The following SDK1 variants were observed in gnomAD, a reference collection of about 807,000 sequenced individuals.
The protein encoded by SDK1 is protein sidekick-1.
Under a neutral mutation model 245.5 loss-of-function variants are expected in SDK1, and 157 were observed. The ratio of observed to expected loss-of-function variants is 0.64; its 90% CI spans 0.56 to 0.73. The LOEUF (loss-of-function observed/expected upper bound fraction) is 0.73. SDK1 is among the 30% of genes least tolerant of loss of function. SDK1 has a pLI of 0.00. For missense variants in SDK1, 3,583 were observed against 3,002.3 expected, an observed-to-expected ratio of 1.19 and a Z score of -4.52; for synonymous variants, 1,647 against 1,278.5, an observed-to-expected ratio of 1.29 and a Z score of -6.15.
chr7:3,987,214 C>T lies in SDK1; in HGVS notation c.2023C>T (p.Leu675=), dbSNP rs1325186923. The T allele has an allele frequency of 6.2e-7, 1 of 1,614,196 alleles. No individual in the cohort carries two copies. Among genetic ancestry groups the T allele is most frequent in the Non-Finnish European group, 8.5e-7 (1 of 1,180,024 alleles). ...ACTGCCTCATTCACCTCAGAACCTC[C>T]TGGTCAGCCCTAATTCTTCCCACAG... ...IELPHSPQNL[L]VSPNSSHSHA... is the part of the protein sequence containing the mutation. The change falls in exon 14 of 45, where the codon CTG becomes TTG. Residue 675 remains leucine (L), a synonymous_variant. Transcript: ENST00000404826.
intron 19 of SDK1, 30 bp from the exon 20 acceptor site, chr7:4,067,808 T>G (rs1199771240): frequency 1.3e-6 from 2 of 1,566,410 alleles, no homozygotes; most frequent in Non-Finnish European, 1.8e-6. Context: ...GGCTATTGTG[T>G]TAACAGATGA....
chr7:3,677,255 C>G (rs954262492), intron 4 of SDK1, among the ~76,000 whole-genome samples: 1 of 151,822 alleles, frequency 6.6e-6, no homozygotes, highest in Admixed American at 6.6e-5. Context: ...ATTTAACATA[C>G]GATAAGCATC....
intron 21 of SDK1, among the ~76,000 whole-genome samples, chr7:4,079,046 G>C (rs951743114): frequency 6.6e-6 from 1 of 152,170 alleles, no homozygotes; most frequent in Non-Finnish European, 1.5e-5. Context: ...CCATCCCTCC[G>C]AGGCCGCGGT....
intron 14 of SDK1, among the ~76,000 whole-genome samples, chr7:3,999,501 G>T (rs989350108): frequency 1.3e-5 from 2 of 152,216 alleles, no homozygotes; most frequent in Admixed American, 6.5e-5. Context: ...TGGGCATGGA[G>T]GCCCTTGGAG....
rs541445154 is a variant in SDK1, at chr7:3,452,101, G to A, written c.298+150217G>A. ...TATAAATTCTTTAAGGATTTCAAGG[G>A]TAAGCCGACTCACATGATTAAAGTA... On this transcript the variant is annotated intron_variant, in intron 1 of 44. Coordinates refer to ENST00000404826, the MANE Select transcript of SDK1 (RefSeq NM_152744.4). Among the ~76,000 whole-genome samples, 4 of 152,280 alleles carry A rather than the reference G, an allele frequency of 2.6e-5. No individual in the cohort carries two copies. The East Asian group carries it at 7.7e-4, about 29-fold the overall frequency.
intron 22 of SDK1, among the ~76,000 whole-genome samples, chr7:4,092,632 A>C (rs1330350659): frequency 2.0e-5 from 3 of 152,178 alleles, no homozygotes; most frequent in Non-Finnish European, 4.4e-5. Context: ...GCCCTGGGCT[A>C]GAATTTGGGG....
chr7:3,455,959 A>C (rs771426267), intron 1 of SDK1, among the ~76,000 whole-genome samples: 2 of 152,132 alleles, frequency 1.3e-5, no homozygotes, highest in Non-Finnish European at 2.9e-5. Context: ...TTGTCTTAGA[A>C]TGTTCTTATT....
chr7:4,080,237 C>T (rs552274651), intron 22 of SDK1, among the ~76,000 whole-genome samples: 11 of 152,096 alleles, frequency 7.2e-5, no homozygotes, highest in South Asian at 2.1e-4. Context: ...GAGTGGACTC[C>T]GCCGAGAGAC....
chr7:3,502,193 ATT>A (rs1782238100), intron 1 of SDK1, among the ~76,000 whole-genome samples: 1 of 151,596 alleles, frequency 6.6e-6, no homozygotes, highest in African/African-American at 2.4e-5. Flanking sequence ...CATTAGTAAA[ATT>A]TTTCTTTTTT....
At chr7:4,015,659 G>A (rs916236209) in intron 16 of SDK1, among the ~76,000 whole-genome samples, 6 of 152,118 alleles carry the variant, frequency 3.9e-5, no homozygotes, top group Admixed American at 1.3e-4. Context: ...GTCAGTGATG[G>A]ACACACTAGG....
chr7:4,240,128 C>T (rs1786427502), intron 42 of SDK1, among the ~76,000 whole-genome samples: 1 of 152,086 alleles, frequency 6.6e-6, no homozygotes, highest in East Asian at 1.9e-4. Context: ...TGTCATTTTC[C>T]TGAGTTAATG....
At chr7:3,816,208 A>G (rs1275585729) in intron 4 of SDK1, among the ~76,000 whole-genome samples, 1 of 151,552 alleles carries the variant, frequency 6.6e-6, no homozygotes, top group Non-Finnish European at 1.5e-5. Context: ...GAGCAAACAC[A>G]TTCAAAAGCT....
chr7:3,778,912 G>A (rs1395141648), intron 4 of SDK1, among the ~76,000 whole-genome samples: 3 of 152,130 alleles, frequency 2.0e-5, no homozygotes, highest in African/African-American at 7.2e-5. Flanking sequence ...GTACCTAAAT[G>A]GTTTCAGACT....
At chr7:3,324,373 C>G (rs751250756) in intron 1 of SDK1, among the ~76,000 whole-genome samples, 12 of 152,114 alleles carry the variant, frequency 7.9e-5, no homozygotes, top group East Asian at 1.9e-4. Flanking sequence ...ACCCTAGAAG[C>G]CTTACCTACT....
At chr7:3,535,547 T>G (rs1043283115) in intron 1 of SDK1, among the ~76,000 whole-genome samples, 7 of 152,148 alleles carry the variant, frequency 4.6e-5, no homozygotes, top group Non-Finnish European at 8.8e-5. Context: ...GCAGGCTTCT[T>G]AACTTCTTTG....
At chr7:3,840,963 G>T (rs1296141998) in intron 5 of SDK1, among the ~76,000 whole-genome samples, 1 of 152,194 alleles carries the variant, frequency 6.6e-6, no homozygotes, top group Non-Finnish European at 1.5e-5. Context: ...TGAGCCTCCA[G>T]TTAATTTAGG....
chr7:3,625,985 C>T (rs1782105325), intron 2 of SDK1, among the ~76,000 whole-genome samples: 2 of 148,850 alleles, frequency 1.3e-5, no homozygotes, highest in African/African-American at 2.5e-5. Context: ...ACTCTGTCAC[C>T]CAGGCTGGAC....
intron 4 of SDK1, among the ~76,000 whole-genome samples, chr7:3,748,981 A>G (rs532292064): frequency 3.9e-5 from 6 of 152,258 alleles, no homozygotes; most frequent in African/African-American, 1.4e-4. Context: ...AGGAAAAAAA[A>G]TCAACCAACC....
At chr7:3,709,976 A>G (rs1784998856) in intron 4 of SDK1, among the ~76,000 whole-genome samples, 1 of 152,232 alleles carries the variant, frequency 6.6e-6, no homozygotes, top group Non-Finnish European at 1.5e-5. Context: ...CTGCTTTTAT[A>G]TCTTTTCATC....
Sources: allele counts gnomAD v4.1 joint callset (sites outside exome capture counted in the v4.1 genomes callset), GRCh38; gene constraint gnomAD v4.1.1; transcripts MANE v1.5; gene names NCBI Gene and HGNC (gene_info 2026-07-23, HGNC 2026-07-21).